Variants in ATRNL1 observed in about 807,000 individuals in gnomAD.
The protein encoded by ATRNL1 is attractin like 1, also known as attractin-like protein 1.
Under a neutral mutation model 182.7 loss-of-function variants are expected in ATRNL1, and 95 were observed. The ratio of observed to expected loss-of-function variants is 0.52; its 90% CI spans 0.44 to 0.62. The LOEUF (loss-of-function observed/expected upper bound fraction) is 0.62. Among genes scored for constraint, ATRNL1 ranks in the 20% least tolerant of loss-of-function variants. The pLI is 0.00. For synonymous variants in ATRNL1, 576 were observed against 568.3 expected (o/e 1.01, Z -0.19); for missense variants, 1,471 against 1,679.5 (o/e 0.88, Z 2.17).
intron 19 of ATRNL1, among the ~76,000 whole-genome samples, chr10:115,360,053 A>T (rs1228366919): frequency 1.3e-5 from 2 of 151,774 alleles, no homozygotes; most frequent in Admixed American, 6.6e-5. Context: ...TTCACATATG[A>T]TATTTTATAT....
At chr10:115,828,186 G>A (rs1388107338) in intron 27 of ATRNL1, among the ~76,000 whole-genome samples, 4 of 151,998 alleles carry the variant, frequency 2.6e-5, no homozygotes, top group Admixed American at 2.0e-4. Context: ...GCGTGGTGGC[G>A]CATGCCTGTA....
chr10:115,583,772 A>T (rs1555008699), intron 26 of ATRNL1, among the ~76,000 whole-genome samples: 1 of 150,734 alleles, frequency 6.6e-6, no homozygotes, highest in African/African-American at 2.4e-5. Context: ...CCCTGGCCAG[A>T]ACTTCCAACA....
intron 8 of ATRNL1, among the ~76,000 whole-genome samples, chr10:115,184,350 T>TTA (rs138994333): frequency 0.033 from 4,958 of 149,764 alleles, 259 homozygotes; most frequent in African/African-American, 0.11. Context: ...CAGTGCAAGA[T>TTA]TATATATATA....
At chr10:115,514,823 C>CT (rs1387725926) in intron 24 of ATRNL1, among the ~76,000 whole-genome samples, 1 of 151,884 alleles carries the variant, frequency 6.6e-6, no homozygotes, top group Non-Finnish European at 1.5e-5. Flanking sequence ...ATAATCAATG[C>CT]TTTTTTCCCC....
intron 20 of ATRNL1, among the ~76,000 whole-genome samples, chr10:115,419,589 C>T (rs1845561424): frequency 6.6e-6 from 1 of 152,114 alleles, no homozygotes; most frequent in South Asian, 2.1e-4. Flanking sequence ...AAAGCTATTT[C>T]ATGGAAATGG....
intron 26 of ATRNL1, among the ~76,000 whole-genome samples, chr10:115,628,843 C>A (rs1223548235): frequency 1.3e-5 from 2 of 152,084 alleles, no homozygotes; most frequent in Non-Finnish European, 2.9e-5. Context: ...ATGGCAAAAA[C>A]TGCAATTATT....
chr10:115,930,342 C>T (rs1196894693), intron 28 of ATRNL1, among the ~76,000 whole-genome samples: 4 of 152,076 alleles, frequency 2.6e-5, no homozygotes, highest in African/African-American at 9.7e-5. Context: ...TAGTGTAAAC[C>T]TCTTCAGGTC....
intron 10 of ATRNL1, among the ~76,000 whole-genome samples, chr10:115,260,423 C>G (rs1423244151): frequency 2.0e-5 from 3 of 152,166 alleles, no homozygotes; most frequent in Non-Finnish European, 4.4e-5. Flanking sequence ...TGTAGAGATA[C>G]TGACATTTGG....
In ATRNL1 at chr10:115,655,820, A is replaced by G. The variant is rs79072200; in HGVS notation, c.3796-71428A>G. On this transcript the variant is annotated intron_variant, in intron 26 of 28. Coordinates refer to ENST00000355044, the MANE Select transcript of ATRNL1 (RefSeq NM_207303.4). ...AGAAGCAAGGATACTTTGAGCTGTT[A>G]GGGTCAATATATTTTCTTTAATTTA... Among the ~76,000 whole-genome samples, 712 of 152,322 alleles carry G rather than the reference A, an allele frequency of 4.7e-3. 39 individuals carry two copies. The East Asian group carries it at 0.13, about 27-fold the overall frequency.
At chr10:115,553,489 T>C (rs1407963149) in intron 26 of ATRNL1, among the ~76,000 whole-genome samples, 1 of 151,398 alleles carries the variant, frequency 6.6e-6, no homozygotes. Context: ...CATATTACAC[T>C]TCTCTTCTGC....
rs192176670 is a variant in ATRNL1, at chr10:115,546,490, C to T, written c.3717-2968C>T. Among the ~76,000 whole-genome samples the T allele has an allele frequency of 8.5e-3, 1,282 of 151,484 alleles. 16 individuals carry two copies. Among genetic ancestry groups the T allele is most frequent in the Non-Finnish European group, 0.012 (845 of 67,828 alleles). ...CTGAGGCAGGAGAGTTGCTTGAACCCGGGAGGCAGAGGCTGCAGTGAGGCT... is the reference window on the plus strand; with the variant it reads ...CTGAGGCAGGAGAGTTGCTTGAACCTGGGAGGCAGAGGCTGCAGTGAGGCT... On this transcript the variant is annotated intron_variant, in intron 25 of 28. Coordinates refer to ENST00000355044, the MANE Select transcript of ATRNL1 (RefSeq NM_207303.4).
intron 27 of ATRNL1, among the ~76,000 whole-genome samples, chr10:115,815,237 T>C (rs1950133917): frequency 6.6e-6 from 1 of 152,150 alleles, no homozygotes; most frequent in Non-Finnish European, 1.5e-5. Context: ...GGGCTGAGGA[T>C]CTCCTCCCGT....
chr10:115,722,666 CA>C (rs1947466044), intron 26 of ATRNL1, among the ~76,000 whole-genome samples: 1 of 152,076 alleles, frequency 6.6e-6, no homozygotes, highest in African/African-American at 2.4e-5. Context: ...ATGACAAAAT[CA>C]TTTTGAGTGC....
chr10:115,686,117 A>T (rs1372195161), intron 26 of ATRNL1, among the ~76,000 whole-genome samples: 2 of 151,866 alleles, frequency 1.3e-5, no homozygotes, highest in Non-Finnish European at 2.9e-5. Context: ...TAATATTTTT[A>T]AAATAGCTTA....
At chr10:115,634,201 C>T (rs1333934642) in intron 26 of ATRNL1, among the ~76,000 whole-genome samples, 2 of 151,984 alleles carry the variant, frequency 1.3e-5, no homozygotes, top group Non-Finnish European at 2.9e-5. Context: ...TACAATCTAC[C>T]GTGGTTATTA....
chr10:115,411,808 C>A (rs1845154652), intron 20 of ATRNL1, among the ~76,000 whole-genome samples: 4 of 151,980 alleles, frequency 2.6e-5, no homozygotes, highest in Admixed American at 2.6e-4. Context: ...TCTCAATTTG[C>A]TTTTTTATTA....
chr10:115,713,384 G>A (rs1172587571), intron 26 of ATRNL1, among the ~76,000 whole-genome samples: 4 of 151,510 alleles, frequency 2.6e-5, no homozygotes, highest in African/African-American at 9.7e-5. Context: ...AAAATATGTA[G>A]CATATTAGAT....
chr10:115,278,864 G>A (rs573965510), intron 13 of ATRNL1, among the ~76,000 whole-genome samples: 5 of 152,052 alleles, frequency 3.3e-5, no homozygotes, highest in Non-Finnish European at 7.4e-5. Flanking sequence ...TTTAACTATA[G>A]TGAGACCATC....
At chr10:115,479,882 G>T (rs1303322379) in intron 24 of ATRNL1, among the ~76,000 whole-genome samples, 1 of 151,216 alleles carries the variant, frequency 6.6e-6, no homozygotes, top group Non-Finnish European at 1.5e-5. Context: ...CAATAGTGCT[G>T]TTCATCAACA....
Sources: gnomAD v4.1 joint callset for allele counts (sites outside exome capture counted in the v4.1 genomes callset) on GRCh38, gnomAD v4.1.1 for gene constraint, MANE v1.5 for transcripts, NCBI Gene and HGNC (gene_info 2026-07-23, HGNC 2026-07-21) for gene names.